Variants in CD8B observed in about 807,000 individuals in gnomAD.
The protein encoded by CD8B is CD8 subunit beta.
In CD8B, 6 loss-of-function variants were observed where a neutral mutation model predicts 24.2. That is an observed-to-expected ratio of 0.25 (90% CI 0.14 to 0.49). The LOEUF (loss-of-function observed/expected upper bound fraction) is 0.49. Ranked by LOEUF, CD8B falls within the 20% of genes least tolerant of loss-of-function variation. The pLI, the probability that CD8B is intolerant of heterozygous loss-of-function variation, is 0.98. For missense variants in CD8B, 196 were observed against 271.3 expected, an observed-to-expected ratio of 0.72 and a Z score of 1.95; for synonymous variants, 84 against 108.3, an observed-to-expected ratio of 0.78 and a Z score of 1.39.
At chr2:86,844,580 G>C (rs1675580676) in intron 5 of CD8B, 3 of 1,350,928 alleles carry the variant, frequency 2.2e-6, no homozygotes, top group Non-Finnish European at 1.9e-6. Flanking sequence ...TTACTGGTCA[G>C]GTTTTTGTTT....
intron 3 of CD8B, among the ~76,000 whole-genome samples, chr2:86,848,251 C>A (rs1162957621): frequency 2.6e-5 from 4 of 152,204 alleles, no homozygotes; most frequent in Non-Finnish European, 4.4e-5. Context: ...CAATAGTGCA[C>A]CTTGCTGACC....
In CD8B at chr2:86,840,307, G is replaced by T. The variant is rs1362628338; in HGVS notation, c.*2000C>A. 6.6e-6 allele frequency among the ~76,000 whole-genome samples: 1 copy of T among 152,138 alleles called. No individual in the cohort carries two copies. The highest frequency in any genetic ancestry group is 2.4e-5 in the African/African-American group (1 of 41,404). On this transcript the variant is annotated 3_prime_UTR_variant, in exon 6 of 6. Coordinates refer to ENST00000390655, the MANE Select transcript of CD8B (RefSeq NM_004931.5). Reference sequence around the variant, plus strand: ...GAGCAAACGGAAAACACCTGGGTCTGGGGGCAGGGCATCTAAGGCCAATTA... The same window carrying T: ...GAGCAAACGGAAAACACCTGGGTCTTGGGGCAGGGCATCTAAGGCCAATTA...
chr2:86,837,828 C>T (rs1675241327), downstream of CD8B, among the ~76,000 whole-genome samples: 1 of 152,092 alleles, frequency 6.6e-6, no homozygotes. Flanking sequence ...AGTGCTGCTC[C>T]CAGACCCATT....
In CD8B at chr2:86,825,076, C is replaced by T. The variant is rs6730650; in HGVS notation, c.621-9358G>A. Reference sequence around the variant, plus strand: ...TATATGGGCCCTGGAGTTTCCTCCACAGCTCCTAAGGCAGCTCTGGCACAT... The same window carrying T: ...TATATGGGCCCTGGAGTTTCCTCCATAGCTCCTAAGGCAGCTCTGGCACAT... On this transcript the variant is annotated intron_variant, in intron 5 of 5. Coordinates refer to the CD8B transcript ENST00000331469. Among the ~76,000 whole-genome samples, 1,430 of 152,316 alleles carry T rather than the reference C, an allele frequency of 9.4e-3. 23 individuals are homozygous for T. The highest frequency in any genetic ancestry group is 0.033 in the African/African-American group (1,358 of 41,564).
intron 5 of CD8B, chr2:86,844,565 T>C: frequency 7.8e-7 from 1 of 1,286,394 alleles, no homozygotes; most frequent in Non-Finnish European, 1.0e-6. Context: ...TGAAATACAT[T>C]TAACTTACTG....
downstream of CD8B, among the ~76,000 whole-genome samples, chr2:86,833,611 C>T (rs954301290): frequency 8.6e-6 from 1 of 116,890 alleles, no homozygotes; most frequent in African/African-American, 3.0e-5. Flanking sequence ...CCGCCCATTT[C>T]TCCCTCTTTT....
intron 2 of CD8B, among the ~76,000 whole-genome samples, chr2:86,854,463 G>A (rs12996221): frequency 7.2e-5 from 11 of 152,298 alleles, no homozygotes; most frequent in East Asian, 1.9e-4. Flanking sequence ...AAAGGTGAAC[G>A]CCAGAGATGA....
In CD8B at chr2:86,838,644, A is replaced by T. The variant is rs1342376349; in HGVS notation, c.*3663T>A. 6.6e-6 allele frequency among the ~76,000 whole-genome samples: 1 copy of T among 152,082 alleles called. No homozygotes were observed. The highest frequency in any genetic ancestry group is 1.5e-5 in the Non-Finnish European group (1 of 68,010). On this transcript the variant is annotated 3_prime_UTR_variant, in exon 6 of 6. Coordinates refer to ENST00000390655, the MANE Select transcript of CD8B (RefSeq NM_004931.5). ...CTCCCTAATAGCTGGGACTACAGGC[A>T]AGCACCACCATGCCCAGAAAAAAAT...
At chr2:86,852,346 T>C (rs1036857870) in intron 3 of CD8B, among the ~76,000 whole-genome samples, 1 of 152,246 alleles carries the variant, frequency 6.6e-6, no homozygotes, top group Non-Finnish European at 1.5e-5. Flanking sequence ...ATAATTTACG[T>C]ATAAAGTCCC....
intron 5 of CD8B, among the ~76,000 whole-genome samples, chr2:86,843,041 G>C (rs1351686579): frequency 6.6e-6 from 1 of 152,174 alleles, no homozygotes; most frequent in African/African-American, 2.4e-5. Flanking sequence ...GTTAGTACCA[G>C]AGAGGGACTT....
intron 4 of CD8B, among the ~76,000 whole-genome samples, chr2:86,846,317 T>A (rs1166873611): frequency 6.6e-6 from 1 of 151,982 alleles, no homozygotes; most frequent in Non-Finnish European, 1.5e-5. Flanking sequence ...CTCACGTGAG[T>A]TCCCACTCAC....
chr2:86,846,179 G>C (rs1256645729), intron 4 of CD8B, among the ~76,000 whole-genome samples: 2 of 152,208 alleles, frequency 1.3e-5, no homozygotes, highest in Non-Finnish European at 2.9e-5. Context: ...GTGGCTGGGA[G>C]CAGCAGTCAT....
chr2:86,854,328 C>G (rs2104572322), intron 2 of CD8B, among the ~76,000 whole-genome samples: 1 of 152,268 alleles, frequency 6.6e-6, no homozygotes, highest in Non-Finnish European at 1.5e-5. Context: ...GGAGGGGGTG[C>G]CCTTTTCTGC....
chr2:86,824,091 G>A (rs763865331), intron 5 of CD8B, among the ~76,000 whole-genome samples: 7 of 151,406 alleles, frequency 4.6e-5, no homozygotes, highest in Non-Finnish European at 8.8e-5. Flanking sequence ...GGGAGCTGGA[G>A]CAGGGACCCT....
chr2:86,829,472 G>C (rs1284698663), intron 5 of CD8B, among the ~76,000 whole-genome samples: 1 of 152,046 alleles, frequency 6.6e-6, no homozygotes, highest in Admixed American at 6.6e-5. Context: ...AGTCAGGCTG[G>C]GGGGAGTCAG....
chr2:86,836,848 G>A (rs1422345458), downstream of CD8B, among the ~76,000 whole-genome samples: 2 of 151,956 alleles, frequency 1.3e-5, no homozygotes, highest in African/African-American at 4.8e-5. Flanking sequence ...GAGTGGAAAT[G>A]GTCTACAATT....
At chr2:86,845,053 C>T in intron 4 of CD8B, 95 bp from the exon 5 acceptor site, 1 of 1,504,424 alleles carries the variant, frequency 6.6e-7, no homozygotes, top group South Asian at 1.3e-5. Flanking sequence ...GGGCAGCTGA[C>T]ACCTCAGCCC....
chr2:86,841,773 C>T lies in CD8B; in HGVS notation c.*534G>A. ...CGCAAGTTCCCGGCCCCAAAGGAAG[C>T]CCTCAGAGACTGATATGCCTTCTGG... On this transcript the variant is annotated 3_prime_UTR_variant, in exon 6 of 6. Transcript: ENST00000390655. 1 of 985,620 alleles carries T rather than the reference C, an allele frequency of 1.0e-6. No homozygotes were observed. The highest frequency in any genetic ancestry group is 1.7e-5 in the African/African-American group (1 of 57,364). The allele number at this position is 985,620 out of a possible 1,614,324, so 61.1% of individuals were successfully genotyped here.
intron 5 of CD8B, chr2:86,821,701 TC>T (rs1674480498): frequency 4.6e-6 from 2 of 434,366 alleles, no homozygotes; most frequent in Non-Finnish European, 9.5e-6. Context: ...ACATTTTCCT[TC>T]CCTAGGTGAA....
Sources: gnomAD v4.1 joint callset for allele counts (sites outside exome capture counted in the v4.1 genomes callset) on GRCh38, gnomAD v4.1.1 for gene constraint, MANE v1.5 for transcripts, NCBI Gene and HGNC (gene_info 2026-07-23, HGNC 2026-07-21) for gene names.